ABTB3: variants seen among roughly 807,000 people sequenced by gnomAD.
ABTB3 encodes ankyrin repeat and BTB domain containing 3.
the ABTB3 span, among the ~76,000 whole-genome samples, chr12:107,514,706 A>G: frequency 3.3e-5 from 5 of 152,224 alleles, no homozygotes; most frequent in African/African-American, 1.2e-4. Context: ...AGAGTCTCCA[A>G]TGAGGAAAAA....
At chr12:107,367,795 A>G in the ABTB3 span, among the ~76,000 whole-genome samples, 74 of 151,558 alleles carry the variant, frequency 4.9e-4, no homozygotes, top group African/African-American at 1.6e-3. Flanking sequence ...GTGAGCCACC[A>G]CTCCCGGCCT....
chr12:107,608,877 TTAAA>T, the ABTB3 span, among the ~76,000 whole-genome samples: 3,605 of 88,746 alleles, frequency 0.041, 258 homozygotes, highest in African/African-American at 0.1. Context: ...CCTCAAAAAT[TTAAA>T]ATAAAATAAA....
chr12:107,497,979 G>A, the ABTB3 span, among the ~76,000 whole-genome samples: 1 of 152,166 alleles, frequency 6.6e-6, no homozygotes, highest in African/African-American at 2.4e-5. Flanking sequence ...GCACATCCTG[G>A]AAGCAGAAGA....
the ABTB3 span, among the ~76,000 whole-genome samples, chr12:107,510,493 A>T: frequency 2.0e-3 from 310 of 152,272 alleles, 3 homozygotes; most frequent in African/African-American, 7.2e-3. Flanking sequence ...CTGGAGATAG[A>T]CAACACATTA....
chr12:107,554,339 T>A, the ABTB3 span, among the ~76,000 whole-genome samples: 1 of 149,012 alleles, frequency 6.7e-6, no homozygotes, highest in African/African-American at 2.5e-5. Flanking sequence ...TTAGGAAGAA[T>A]AGTTCTAGAT....
chr12:107,551,926 A>G, the ABTB3 span, among the ~76,000 whole-genome samples: 2 of 151,924 alleles, frequency 1.3e-5, no homozygotes, highest in African/African-American at 4.8e-5. Flanking sequence ...CTAATTTTGT[A>G]TTTTTAGTAG....
the ABTB3 span, among the ~76,000 whole-genome samples, chr12:107,470,010 T>TTCTTTC: frequency 3.9e-4 from 22 of 57,140 alleles, no homozygotes; most frequent in East Asian, 1.7e-3. Flanking sequence ...CTTTCTTTCT[T>TTCTTTC]TCTCTCTCTC....
At chr12:107,470,667 T>C in the ABTB3 span, among the ~76,000 whole-genome samples, 1 of 152,180 alleles carries the variant, frequency 6.6e-6, no homozygotes, top group Non-Finnish European at 1.5e-5. Flanking sequence ...TCGTCACTTA[T>C]CATGATTGCT....
the ABTB3 span, among the ~76,000 whole-genome samples, chr12:107,513,944 T>A: frequency 2.0e-5 from 3 of 152,264 alleles, no homozygotes; most frequent in East Asian, 5.8e-4. Flanking sequence ...TTTGGGAAGA[T>A]GATCTGCAAG....
chr12:107,339,053 T>C, the ABTB3 span, among the ~76,000 whole-genome samples: 2 of 152,184 alleles, frequency 1.3e-5, no homozygotes, highest in East Asian at 3.8e-4. Context: ...GTCCATGGAA[T>C]GTCCACTCAA....
At chr12:107,369,737 G>A in the ABTB3 span, among the ~76,000 whole-genome samples, 1 of 57,408 alleles carries the variant, frequency 1.7e-5, no homozygotes, top group East Asian at 5.1e-4. Context: ...TTTTTTTTCT[G>A]AGCTTTTGTT....
the ABTB3 span, among the ~76,000 whole-genome samples, chr12:107,465,654 T>C: frequency 1.3e-5 from 2 of 152,248 alleles, no homozygotes; most frequent in East Asian, 3.9e-4. Flanking sequence ...GAAGGTCAAG[T>C]TCACCGTGGC....
At chr12:107,440,859 A>G in the ABTB3 span, among the ~76,000 whole-genome samples, 2 of 152,374 alleles carry the variant, frequency 1.3e-5, no homozygotes, top group African/African-American at 2.4e-5. Context: ...TGCCTGGGCC[A>G]AGGGCATGAA....
the ABTB3 span, among the ~76,000 whole-genome samples, chr12:107,516,981 T>C: frequency 0.033 from 4,984 of 152,334 alleles, 107 homozygotes; most frequent in Non-Finnish European, 0.051. Flanking sequence ...CTAGGTTTTC[T>C]TCTAGGGTTT....
chr12:107,509,778 A>T, the ABTB3 span, among the ~76,000 whole-genome samples: 721 of 152,352 alleles, frequency 4.7e-3, 20 homozygotes, highest in Non-Finnish European at 2.2e-3. Context: ...AAGTCTCTTA[A>T]AAGGGGTTTC....
At chr12:107,608,942 TAA>T in the ABTB3 span, among the ~76,000 whole-genome samples, 79 of 60,202 alleles carry the variant, frequency 1.3e-3, no homozygotes, top group East Asian at 2.7e-3. Flanking sequence ...TAAAATAAAA[TAA>T]ATAAAATAAA....
the ABTB3 span, among the ~76,000 whole-genome samples, chr12:107,469,932 CTCTTTCTTTCTCTT>C: frequency 1.3e-5 from 1 of 79,194 alleles, no homozygotes; most frequent in South Asian, 4.3e-4. Context: ...CTCTCTCTCT[CTCTTTCTTTCTCTT>C]TCTTTCTTTC....
chr12:107,440,867 G>A, the ABTB3 span, among the ~76,000 whole-genome samples: 1 of 152,212 alleles, frequency 6.6e-6, no homozygotes, highest in African/African-American at 2.4e-5. Flanking sequence ...CCAAGGGCAT[G>A]AAATATATAA....
the ABTB3 span, among the ~76,000 whole-genome samples, chr12:107,372,093 T>C: frequency 6.6e-6 from 1 of 152,218 alleles, no homozygotes; most frequent in Non-Finnish European, 1.5e-5. Context: ...TGAAGATATA[T>C]TTTCTGTAAG....
Sources: allele counts gnomAD v4.1 joint callset (sites outside exome capture counted in the v4.1 genomes callset), GRCh38; gene constraint gnomAD v4.1.1; transcripts MANE v1.5; gene names NCBI Gene and HGNC (gene_info 2026-07-23, HGNC 2026-07-21).